RFTN1: variants seen among roughly 807,000 people sequenced by gnomAD.
RFTN1 encodes raftlin, lipid raft linker 1.
Under a neutral mutation model 46.5 loss-of-function variants are expected in RFTN1, and 26 were observed. The ratio of observed to expected loss-of-function variants is 0.56; its 90% CI spans 0.41 to 0.78. RFTN1 has a LOEUF of 0.78. RFTN1 is among the 30% of genes least tolerant of loss of function. The probability of loss-of-function intolerance (pLI) is 0.00; values close to 1 mark genes in which losing one functional copy is unlikely to be tolerated. For missense variants in RFTN1, 693 were observed against 718.7 expected (o/e 0.96, Z 0.41); for synonymous variants, 261 against 284.2 (o/e 0.92, Z 0.82).
rs540149988 is a variant in RFTN1 at position 16,474,497 on chromosome 3, C to T, written c.145+19228G>A. Among the ~76,000 whole-genome samples the T allele has an allele frequency of 9.4e-4, 143 of 152,324 alleles. 1 individual carries two copies. Among genetic ancestry groups the T allele is most frequent in the Middle Eastern group, 3.4e-3 (1 of 294 alleles). Reference sequence around the variant, plus strand: ...GCTGACCATGAGAAAGATACCAGTACACCCCCAGGAAGCCAGCCGATTCTC... The same window carrying T: ...GCTGACCATGAGAAAGATACCAGTATACCCCCAGGAAGCCAGCCGATTCTC... On this transcript the variant is annotated intron_variant, in intron 2 of 9. Transcript: ENST00000334133. The surrounding 1 kb of genome is among the most constrained non-coding windows in gnomAD (Gnocchi z 5.5).
chr3:16,506,336 G>A lies in RFTN1; in HGVS notation c.-9+7106C>T, dbSNP rs2125011895. On this transcript the variant is annotated intron_variant, in intron 1 of 9. Transcript: ENST00000334133. The surrounding 1 kb of genome is among the most constrained non-coding windows in gnomAD (Gnocchi z 4.8). ...AGTCAAACAGGGCTGGGGAGACAGA[G>A]CGTAGGCCTGGCCGGGCCGTGAGCA... 6.6e-6 allele frequency among the ~76,000 whole-genome samples: 1 copy of A among 152,270 alleles called. No individual in the cohort carries two copies. The highest frequency in any genetic ancestry group is 3.4e-3 in the Middle Eastern group (1 of 294).
rs143253910 is a variant in RFTN1 at position 16,405,457 on chromosome 3, C to T, written c.441+3918G>A. Among the ~76,000 whole-genome samples the T allele has an allele frequency of 2.4e-4, 36 of 152,212 alleles. 1 individual carries two copies. In the East Asian group the frequency reaches 7.0e-3, roughly 29 times the overall value. On this transcript the variant is annotated intron_variant, in intron 4 of 9. Transcript: ENST00000334133. ...TGCAGTAAGGTAGATTTCATTTGAC[C>T]AGCTAGAGCACTCAGAGAAACTGGC... is the stretch of plus-strand genomic sequence containing the variant.
At chr3:16,435,924 AT>A (rs2075503164) in intron 2 of RFTN1, among the ~76,000 whole-genome samples, 1 of 124,368 alleles carries the variant, frequency 8.0e-6, no homozygotes, top group Admixed American at 7.8e-5. Context: ...GTAAATATAT[AT>A]ATATATATAT....
intron 6 of RFTN1, among the ~76,000 whole-genome samples, chr3:16,366,125 G>A (rs781454148): frequency 6.6e-6 from 1 of 151,930 alleles, no homozygotes; most frequent in Non-Finnish European, 1.5e-5. Context: ...CGGGGGACAG[G>A]ACAGAACCAG....
chr3:16,324,613 A>ACCAC (rs1553718055), intron 8 of RFTN1, among the ~76,000 whole-genome samples: 1 of 90,800 alleles, frequency 1.1e-5, no homozygotes, highest in Non-Finnish European at 2.2e-5. Context: ...AATGTCCCTG[A>ACCAC]CCCCCCCCCT....
intron 2 of RFTN1, among the ~76,000 whole-genome samples, chr3:16,441,128 T>A (rs2075613172): frequency 6.6e-6 from 1 of 152,154 alleles, no homozygotes; most frequent in African/African-American, 2.4e-5. Context: ...TATTTTTTTT[T>A]ATTCCAGACT....
rs1291629817 is a variant in RFTN1 at position 16,353,459 on chromosome 3, T to C, written c.1146+4473A>G. ...TGGTTACAGAGCTGTCTACACTTAG[T>C]TCCCCTAAGACAGGGATTCTCAAGG... On this transcript the variant is annotated intron_variant, in intron 7 of 9. Transcript: ENST00000334133. This position sits in a 1 kb window ranked among gnomAD's most constrained non-coding sequence, Gnocchi z 5.4. Among the ~76,000 whole-genome samples, 3 of 152,166 alleles carry C rather than the reference T, an allele frequency of 2.0e-5. No homozygotes were observed. Among genetic ancestry groups the C allele is most frequent in the African/African-American group, 7.2e-5 (3 of 41,440 alleles).
At chr3:16,487,789 C>CA (rs2076473795) in intron 2 of RFTN1, among the ~76,000 whole-genome samples, 2 of 152,194 alleles carry the variant, frequency 1.3e-5, no homozygotes, top group South Asian at 4.1e-4. Context: ...GAGAGGCTGG[C>CA]AAAACGCTCA....
rs1041694518 is a variant in RFTN1, at chr3:16,440,805, T to A, written c.146-6768A>T. ...CTGTAATTTTTTTCTCAATCCCATATGGCCAAAGTCAAGACCTAGCAGCCT... is the reference window on the plus strand; with the variant it reads ...CTGTAATTTTTTTCTCAATCCCATAAGGCCAAAGTCAAGACCTAGCAGCCT... On this transcript the variant is annotated intron_variant, in intron 2 of 9. Transcript: ENST00000334133. The surrounding 1 kb of genome is among the most constrained non-coding windows in gnomAD (Gnocchi z 4.6). Among the ~76,000 whole-genome samples the A allele has an allele frequency of 6.6e-6, 1 of 152,216 alleles. No individual in the cohort carries two copies. The highest frequency in any genetic ancestry group is 2.4e-5 in the African/African-American group (1 of 41,452).
At chr3:16,464,310 C>T (rs773552820) in intron 2 of RFTN1, among the ~76,000 whole-genome samples, 3 of 152,122 alleles carry the variant, frequency 2.0e-5, no homozygotes, top group African/African-American at 7.2e-5. Flanking sequence ...TAGAAATCTC[C>T]CAAAAATAAA....
At chr3:16,401,193 C>T (rs143525923) in intron 4 of RFTN1, among the ~76,000 whole-genome samples, 1 of 152,144 alleles carries the variant, frequency 6.6e-6, no homozygotes, top group African/African-American at 2.4e-5. Context: ...CATGGTGGCT[C>T]GCGCCTGTAA....
intron 3 of RFTN1, among the ~76,000 whole-genome samples, chr3:16,417,720 C>G (rs1268380166): frequency 6.6e-6 from 1 of 152,158 alleles, no homozygotes; most frequent in Non-Finnish European, 1.5e-5. Flanking sequence ...CCATGGGCAA[C>G]GAGTGAAAGA....
chr3:16,329,214 C>G lies in RFTN1; in HGVS notation c.1147-2338G>C, dbSNP rs1328019704. Among the ~76,000 whole-genome samples the G allele has an allele frequency of 1.3e-5, 2 of 152,206 alleles. No homozygotes were observed. Among genetic ancestry groups the G allele is most frequent in the Non-Finnish European group, 2.9e-5 (2 of 68,038 alleles). ...CAGCAAGAAGGCCCTCACAAGATGCCAGGCCCTCGACCTTGGACTTCCCAG... is the reference window on the plus strand; with the variant it reads ...CAGCAAGAAGGCCCTCACAAGATGCGAGGCCCTCGACCTTGGACTTCCCAG... On this transcript the variant is annotated intron_variant, in intron 7 of 9. Transcript: ENST00000334133. This position sits in a 1 kb window ranked among gnomAD's most constrained non-coding sequence, Gnocchi z 4.5.
Position 16,319,290 on chromosome 3 carries a change from C to T in RFTN1, c.1333-2058G>A, listed in dbSNP as rs539481691. ...GAAGTCAGAGGAAGTTTTACTGTTGCCAAAAAAGTGGTGATTGTTTTGGCT... is the reference window on the plus strand; with the variant it reads ...GAAGTCAGAGGAAGTTTTACTGTTGTCAAAAAAGTGGTGATTGTTTTGGCT... On this transcript the variant is annotated intron_variant, in intron 9 of 9. Transcript: ENST00000334133. 4.6e-5 allele frequency among the ~76,000 whole-genome samples: 7 copies of T among 152,256 alleles called. No individual in the cohort carries two copies. In the East Asian group the frequency reaches 1.3e-3, roughly 29 times the overall value.
rs1225384364 is a variant in RFTN1, at chr3:16,465,624, A to G, written c.145+28101T>C. ...TTTGTACAATCTGATGAGTGGTGCA[A>G]TTTAGCCCCCATGTCAATTACGGAT... is the stretch of plus-strand genomic sequence containing the variant. On this transcript the variant is annotated intron_variant, in intron 2 of 9. Coordinates refer to ENST00000334133, the MANE Select transcript of RFTN1 (RefSeq NM_015150.2). This position sits in a 1 kb window ranked among gnomAD's most constrained non-coding sequence, Gnocchi z 5.1. 1.3e-5 allele frequency among the ~76,000 whole-genome samples: 2 copies of G among 152,156 alleles called. No homozygotes were observed. Among genetic ancestry groups the G allele is most frequent in the East Asian group, 3.8e-4 (2 of 5,206 alleles).
In RFTN1 at chr3:16,448,183, T is replaced by C. The variant is rs1273802066; in HGVS notation, c.146-14146A>G. Reference sequence around the variant, plus strand: ...TTGATTCCATATTGAAATGATAAATTGTCTAAGATATTGGATTAAATAAAA... The same window carrying C: ...TTGATTCCATATTGAAATGATAAATCGTCTAAGATATTGGATTAAATAAAA... On this transcript the variant is annotated intron_variant, in intron 2 of 9. Coordinates refer to ENST00000334133, the MANE Select transcript of RFTN1 (RefSeq NM_015150.2). This position sits in a 1 kb window ranked among gnomAD's most constrained non-coding sequence, Gnocchi z 4.1. Among the ~76,000 whole-genome samples, 1 of 152,158 alleles carries C rather than the reference T, an allele frequency of 6.6e-6. No individual in the cohort carries two copies. The highest frequency in any genetic ancestry group is 1.5e-5 in the Non-Finnish European group (1 of 68,026).
chr3:16,396,486 T>C (rs2074472526), intron 4 of RFTN1, among the ~76,000 whole-genome samples: 1 of 152,176 alleles, frequency 6.6e-6, no homozygotes, highest in Admixed American at 6.5e-5. Context: ...TGCTAGGTGT[T>C]AGAAGATTGC....
chr3:16,391,805 C>T (rs1170216043), intron 4 of RFTN1, among the ~76,000 whole-genome samples: 2 of 148,072 alleles, frequency 1.4e-5, no homozygotes, highest in African/African-American at 4.9e-5. Context: ...ACCATAGACT[C>T]ACAGAATATC....
intron 1 of RFTN1, among the ~76,000 whole-genome samples, chr3:16,502,265 G>A (rs1296768257): frequency 6.6e-6 from 1 of 152,012 alleles, no homozygotes; most frequent in Non-Finnish European, 1.5e-5. Context: ...GGAGGCTGAA[G>A]AGGGAACATT....
Sources: gnomAD v4.1 joint callset for allele counts (sites outside exome capture counted in the v4.1 genomes callset) on GRCh38, gnomAD v4.1.1 for gene constraint, Gnocchi (gnomAD v3.1) non-coding constraint, MANE v1.5 for transcripts, NCBI Gene and HGNC (gene_info 2026-07-23, HGNC 2026-07-21) for gene names.